The following ETF1 variants were observed in gnomAD, a reference collection of about 807,000 sequenced individuals.
ETF1 encodes the protein eukaryotic translation termination factor 1, also known as eukaryotic peptide chain release factor subunit 1.
In ETF1, 4 loss-of-function variants were observed where a neutral mutation model predicts 55.1. The ratio of observed to expected loss-of-function variants is 0.07; its 90% CI spans 0.04 to 0.17. The LOEUF (loss-of-function observed/expected upper bound fraction) is 0.17. Ranked by LOEUF, ETF1 falls within the 10% of genes least tolerant of loss-of-function variation. The pLI is 1.00. For missense variants in ETF1, 142 were observed against 523.6 expected, an observed-to-expected ratio of 0.27 and a Z score of 7.11; for synonymous variants, 157 against 182.3, an observed-to-expected ratio of 0.86 and a Z score of 1.12.
In ETF1 at chr5:138,508,195, G is replaced by A. The variant is rs1342857488; in HGVS notation, c.*110C>T. On this transcript the variant is annotated 3_prime_UTR_variant, in exon 11 of 11. Coordinates refer to ENST00000360541, the MANE Select transcript of ETF1 (RefSeq NM_004730.4). ...ATCCAATGCTCATGGATTAAGTTCT[G>A]GAAATGTTCCAATTGTAAGGCAGGG... 7.7e-7 allele frequency: 1 copy of A among 1,290,554 alleles called. No individual in the cohort carries two copies. Among genetic ancestry groups the A allele is most frequent in the Non-Finnish European group, 1.1e-6 (1 of 945,428 alleles). The allele number at this position is 1,290,554 out of a possible 1,614,324, so 79.9% of individuals were successfully genotyped here.
At chr5:138,528,953 C>G (rs565827782) in intron 2 of ETF1, among the ~76,000 whole-genome samples, 4 of 151,970 alleles carry the variant, frequency 2.6e-5, no homozygotes, top group Non-Finnish European at 5.9e-5. Flanking sequence ...TTGAGACCAG[C>G]CTGGCCAACA....
At position 138,524,866 on chromosome 5, in the gene ETF1, G is replaced by A. The variant is rs139357643; in HGVS notation, c.87-5999C>T. On this transcript the variant is annotated intron_variant, in intron 2 of 10. Coordinates refer to ENST00000360541, the MANE Select transcript of ETF1 (RefSeq NM_004730.4). ...GCTGGGATTACAGGCATGAGCCACC[G>A]TGCCCGGCCAGGATATTTCTTTCTT... is the stretch of plus-strand genomic sequence containing the variant. Among the ~76,000 whole-genome samples the A allele has an allele frequency of 1.5e-3, 221 of 151,478 alleles. 3 individuals are homozygous for A. In the East Asian group the frequency reaches 0.035, roughly 24 times the overall value.
At chr5:138,513,521 A>T in intron 5 of ETF1, 47 bp downstream of exon 5, 1 of 1,495,208 alleles carries the variant, frequency 6.7e-7, no homozygotes, top group East Asian at 2.3e-5. Context: ...CTGTTTTCTT[A>T]TTGCTAGACA....
At chr5:138,513,097 ACTG>A in intron 5 of ETF1, 143 bp from the exon 6 acceptor site, 1 of 1,382,326 alleles carries the variant, frequency 7.2e-7, no homozygotes, top group Non-Finnish European at 9.3e-7. Flanking sequence ...TTCAGCATAA[ACTG>A]CTACTTGTTT....
intron 2 of ETF1, among the ~76,000 whole-genome samples, chr5:138,522,113 GGTTTTTTTT>G (rs1765257938): frequency 8.5e-6 from 1 of 117,648 alleles, no homozygotes; most frequent in East Asian, 2.0e-4. Flanking sequence ...TTGTTTTTTT[GGTTTTTTTT>G]ACTTCTCTAA....
At chr5:138,520,944 A>G (rs974791089) in intron 2 of ETF1, among the ~76,000 whole-genome samples, 5 of 152,168 alleles carry the variant, frequency 3.3e-5, no homozygotes, top group African/African-American at 1.2e-4. Flanking sequence ...CCAAAAAAAA[A>G]AATTTTTTTT....
intron 2 of ETF1, among the ~76,000 whole-genome samples, chr5:138,538,873 G>T (rs967716182): frequency 6.6e-6 from 1 of 152,116 alleles, no homozygotes; most frequent in Non-Finnish European, 1.5e-5. Flanking sequence ...CCTATTCAAT[G>T]ATCTCGCCAA....
Position 138,542,818 on chromosome 5 carries a change from G to A in ETF1, c.86+15C>T. ...GAACCAAGAGGGCACGGAGGGTGCCGGACGCGGCGCTCACCCGCGGGCCGC... is the reference window on the plus strand; with the variant it reads ...GAACCAAGAGGGCACGGAGGGTGCCAGACGCGGCGCTCACCCGCGGGCCGC... On this transcript the variant is annotated intron_variant, in intron 2 of 10. Coordinates refer to ENST00000360541, the MANE Select transcript of ETF1 (RefSeq NM_004730.4). 1 of 1,611,754 alleles carries A rather than the reference G, an allele frequency of 6.2e-7. No individual in the cohort carries two copies. Among genetic ancestry groups the A allele is most frequent in the Non-Finnish European group, 8.5e-7 (1 of 1,179,508 alleles).
At position 138,511,613 on chromosome 5, in the gene ETF1, CA is replaced by C. The variant is rs552000177; in HGVS notation, c.733-10del. ...ACTTTTGATTGTAACCTCTAACACACAAAAAAAATATTATTAGTACTTACTG... is the reference window on the plus strand; with the variant it reads ...ACTTTTGATTGTAACCTCTAACACACAAAAAAATATTATTAGTACTTACTG... On this transcript the variant is annotated splice_polypyrimidine_tract_variant and intron_variant, in intron 6 of 10. Transcript: ENST00000360541. 5.9e-5 allele frequency: 94 copies of C among 1,581,240 alleles called. No individual in the cohort carries two copies. Among genetic ancestry groups the C allele is most frequent in the Admixed American group, 1.9e-4 (10 of 53,940 alleles).
intron 9 of ETF1, among the ~76,000 whole-genome samples, chr5:138,509,592 T>C (rs1764682665): frequency 6.6e-6 from 1 of 151,884 alleles, no homozygotes; most frequent in Admixed American, 6.6e-5. Context: ...CAAGACCCCA[T>C]TTCTATAAAA....
rs544683040 is a variant in ETF1, at chr5:138,524,771, T to G, written c.87-5904A>C. On this transcript the variant is annotated intron_variant, in intron 2 of 10. Coordinates refer to ENST00000360541, the MANE Select transcript of ETF1 (RefSeq NM_004730.4). ...TTTTGTATTTTTAGTAGAGATGGGG[T>G]TTCACCATGTTGGCCAGGATGGTCT... Among the ~76,000 whole-genome samples the G allele has an allele frequency of 3.9e-5, 6 of 151,996 alleles. No homozygotes were observed. The South Asian group carries it at 1.2e-3, about 32-fold the overall frequency.
chr5:138,508,656 A>T lies in ETF1; in HGVS notation c.1231+13T>A. 1 of 1,612,108 alleles carries T rather than the reference A, an allele frequency of 6.2e-7. No homozygotes were observed. Among genetic ancestry groups the T allele is most frequent in the Non-Finnish European group, 8.5e-7 (1 of 1,179,834 alleles). The stretch of plus-strand genomic sequence containing the variant: ...CCCTGGTTTTAAGTTTGGTTTGCTG[A>T]TTTGCTACTCACCTCCAATTCCACC... On this transcript the variant is annotated intron_variant, in intron 10 of 10. Coordinates refer to ENST00000360541, the MANE Select transcript of ETF1 (RefSeq NM_004730.4).
chr5:138,531,535 C>A (rs769144576), intron 2 of ETF1, among the ~76,000 whole-genome samples: 1 of 152,234 alleles, frequency 6.6e-6, no homozygotes, highest in Non-Finnish European at 1.5e-5. Flanking sequence ...TCCAAGTCAT[C>A]ACTTGTAAAT....
At chr5:138,529,597 A>C in intron 2 of ETF1, 1 of 985,450 alleles carries the variant, frequency 1.0e-6, no homozygotes. Flanking sequence ...CTGCACTCAG[A>C]TTCTCTTCTT....
intron 2 of ETF1, among the ~76,000 whole-genome samples, chr5:138,533,198 T>C (rs1293008033): frequency 6.6e-6 from 1 of 151,934 alleles, no homozygotes; most frequent in Non-Finnish European, 1.5e-5. Context: ...CCTCCCAAAG[T>C]GCTGGGATTA....
At chr5:138,518,483 G>C (rs939112997) in intron 3 of ETF1, among the ~76,000 whole-genome samples, 1 of 152,088 alleles carries the variant, frequency 6.6e-6, no homozygotes, top group African/African-American at 2.4e-5. Flanking sequence ...AAAGTGCTGG[G>C]ATTACAGGCA....
chr5:138,508,959 T>G, intron 9 of ETF1, 143 bp from the exon 10 acceptor site: 1 of 1,436,330 alleles, frequency 7.0e-7, no homozygotes. Context: ...GTAAGTCATC[T>G]CTGGTTTTGA....
chr5:138,524,032 C>T (rs567045684), intron 2 of ETF1, among the ~76,000 whole-genome samples: 17 of 152,128 alleles, frequency 1.1e-4, no homozygotes, highest in African/African-American at 4.1e-4. Flanking sequence ...CAAAAAGTTG[C>T]TGGGTGTGCT....
intron 2 of ETF1, among the ~76,000 whole-genome samples, chr5:138,536,813 T>C (rs892955336): frequency 1.1e-4 from 17 of 152,138 alleles, no homozygotes; most frequent in Non-Finnish European, 4.4e-5. Context: ...GGGGTGGTGC[T>C]GTACTGGGCC....
Sources: allele counts gnomAD v4.1 joint callset (sites outside exome capture counted in the v4.1 genomes callset), GRCh38; gene constraint gnomAD v4.1.1; transcripts MANE v1.5; gene names NCBI Gene and HGNC (gene_info 2026-07-23, HGNC 2026-07-21).